Variants in ZNF407 observed in about 807,000 individuals in gnomAD.
The protein encoded by ZNF407 is zinc finger protein 407.
In ZNF407, 17 loss-of-function variants were observed where a neutral mutation model predicts 131.2. That is an observed-to-expected ratio of 0.13 (90% CI 0.09 to 0.19). ZNF407 has a LOEUF of 0.19. Among genes scored for constraint, ZNF407 ranks in the 10% least tolerant of loss-of-function variants. The probability of loss-of-function intolerance (pLI) is 1.00; values close to 1 mark genes in which losing one functional copy is unlikely to be tolerated. For missense variants in ZNF407, 2,681 were observed against 2,830.6 expected (o/e 0.95, Z 1.20); for synonymous variants, 1,156 against 1,062.0 (o/e 1.09, Z -1.72).
chr18:74,780,331 G>A (rs1969574169), intron 3 of ZNF407, among the ~76,000 whole-genome samples: 1 of 152,094 alleles, frequency 6.6e-6, no homozygotes, highest in African/African-American at 2.4e-5. Context: ...TTTGCTTTTG[G>A]CTTTTGTCAC....
intron 8 of ZNF407, among the ~76,000 whole-genome samples, chr18:74,951,450 G>C (rs1230597804): frequency 6.6e-6 from 1 of 152,164 alleles, no homozygotes; most frequent in Non-Finnish European, 1.5e-5. Flanking sequence ...GCAAACTGCA[G>C]AACACTGAGC....
chr18:75,030,181 A>G (rs1599302409), intron 8 of ZNF407, among the ~76,000 whole-genome samples: 1 of 152,354 alleles, frequency 6.6e-6, no homozygotes, highest in Admixed American at 6.5e-5. Flanking sequence ...ATCTGCCTGA[A>G]TTGTGAATCT....
At chr18:74,757,039 A>G (rs1219084209) in intron 3 of ZNF407, among the ~76,000 whole-genome samples, 2 of 151,896 alleles carry the variant, frequency 1.3e-5, no homozygotes, top group Non-Finnish European at 2.9e-5. Context: ...GATCTTTCCA[A>G]AGAACTAATT....
Position 74,632,116 on chromosome 18 carries a change from T to C in ZNF407, c.1097T>C (p.Val366Ala), listed in dbSNP as rs2144663767. 6.2e-7 allele frequency: 1 copy of C among 1,614,006 alleles called. No homozygotes were observed. The highest frequency in any genetic ancestry group is 2.2e-5 in the East Asian group (1 of 44,880). ...SQEVEIVEEHVTSLGLAQNPE... is the reference protein window; with the variant it reads ...SQEVEIVEEHATSLGLAQNPE... ...GAAGTAGAGATTGTTGAAGAACATG[T>C]TACTTCCCTTGGTCTAGCTCAGAAT... Residue 366 changes from valine to alanine, a missense_variant, in exon 2 of 9, where the codon GTT (valine) becomes GCT (alanine). Around this residue, in one of 6 missense-constraint regions of ZNF407, gnomAD observed 1,789 missense variants for 1,748.7 expected, o/e 1.02. Transcript: ENST00000299687.
At chr18:75,060,714 C>G (rs1478244404) in intron 8 of ZNF407, among the ~76,000 whole-genome samples, 9 of 151,232 alleles carry the variant, frequency 6.0e-5, no homozygotes, top group Non-Finnish European at 8.8e-5. Flanking sequence ...ACCGTGTTAG[C>G]CAGGATGGTC....
At chr18:74,903,454 T>G (rs975935598) in intron 7 of ZNF407, among the ~76,000 whole-genome samples, 1 of 152,200 alleles carries the variant, frequency 6.6e-6, no homozygotes, top group African/African-American at 2.4e-5. Flanking sequence ...CTGTCTACCA[T>G]TTTTACTGTA....
At chr18:75,037,461 G>T (rs1169189252) in intron 8 of ZNF407, among the ~76,000 whole-genome samples, 1 of 151,320 alleles carries the variant, frequency 6.6e-6, no homozygotes, top group Non-Finnish European at 1.5e-5. Flanking sequence ...GTGATTTCCA[G>T]TTCTATGAAT....
intron 3 of ZNF407, among the ~76,000 whole-genome samples, chr18:74,688,278 G>T (rs1234788789): frequency 6.6e-6 from 1 of 152,122 alleles, no homozygotes; most frequent in African/African-American, 2.4e-5. Flanking sequence ...CTACTGAAAA[G>T]AATACACAAC....
intron 5 of ZNF407, 106 bp from the exon 6 acceptor site, chr18:74,880,930 C>T (rs1971228499): frequency 2.1e-6 from 2 of 946,236 alleles, no homozygotes; most frequent in East Asian, 5.3e-5. Context: ...GACATATTTA[C>T]ATGGAAACAT....
chr18:75,041,556 A>T (rs1270030793), intron 8 of ZNF407, among the ~76,000 whole-genome samples: 2 of 151,688 alleles, frequency 1.3e-5, no homozygotes, highest in Non-Finnish European at 2.9e-5. Flanking sequence ...ACTCAGGCCT[A>T]GTGGAAAAGT....
intron 4 of ZNF407, among the ~76,000 whole-genome samples, chr18:74,792,061 C>T (rs372212853): frequency 1.3e-5 from 2 of 152,264 alleles, no homozygotes; most frequent in African/African-American, 2.4e-5. Context: ...TCGCCTGTGA[C>T]GCTGTGGACA....
At chr18:74,719,678 C>T (rs571857010) in intron 3 of ZNF407, among the ~76,000 whole-genome samples, 193 of 152,340 alleles carry the variant, frequency 1.3e-3, no homozygotes, top group Middle Eastern at 6.8e-3. Flanking sequence ...GCTGGGATTA[C>T]GGGCGTGAGC....
intron 8 of ZNF407, 169 bp from the exon 9 acceptor site, chr18:75,062,981 C>T (rs1483231214): frequency 3.4e-5 from 20 of 591,284 alleles, no homozygotes; most frequent in Admixed American, 9.8e-5. Flanking sequence ...CAGATGCCCA[C>T]GGAGGCCTCT....
intron 3 of ZNF407, among the ~76,000 whole-genome samples, chr18:74,772,687 G>GT (rs1476574755): frequency 6.6e-6 from 1 of 152,016 alleles, no homozygotes; most frequent in Admixed American, 6.6e-5. Flanking sequence ...ACTATTATTT[G>GT]TTTGCTTAAG....
chr18:74,914,678 C>G (rs1481105586), intron 7 of ZNF407, among the ~76,000 whole-genome samples: 1 of 152,200 alleles, frequency 6.6e-6, no homozygotes, highest in Non-Finnish European at 1.5e-5. Context: ...CAGAAACATT[C>G]TGCAGGTGCT....
intron 4 of ZNF407, among the ~76,000 whole-genome samples, chr18:74,823,756 A>G (rs1206793718): frequency 1.3e-5 from 2 of 152,202 alleles, no homozygotes; most frequent in Non-Finnish European, 2.9e-5. Flanking sequence ...CCCACACAAT[A>G]ATAGTGGGAG....
chr18:74,729,799 ATTATT>A (rs1003100644), intron 3 of ZNF407, among the ~76,000 whole-genome samples: 2 of 152,250 alleles, frequency 1.3e-5, no homozygotes, highest in African/African-American at 4.8e-5. Flanking sequence ...TATTTTTCAT[ATTATT>A]TTCAGAAACA....
At chr18:74,623,510 A>G (rs978931626) in intron 1 of ZNF407, among the ~76,000 whole-genome samples, 8 of 152,202 alleles carry the variant, frequency 5.3e-5, no homozygotes, top group African/African-American at 1.4e-4. Flanking sequence ...AAATGAAGGG[A>G]AAAATGTCAT....
chr18:74,749,484 T>C (rs1051770039), intron 3 of ZNF407, among the ~76,000 whole-genome samples: 1 of 152,314 alleles, frequency 6.6e-6, no homozygotes, highest in East Asian at 1.9e-4. Context: ...GTTTTAACTA[T>C]GTAGATGATC....
Sources: allele counts gnomAD v4.1 joint callset (sites outside exome capture counted in the v4.1 genomes callset), GRCh38; gene constraint gnomAD v4.1.1; regional missense constraint gnomAD v4.1.1; transcripts MANE v1.5; gene names NCBI Gene and HGNC (gene_info 2026-07-23, HGNC 2026-07-21).